SYNE1: variants seen among roughly 807,000 people sequenced by gnomAD.
SYNE1 encodes nesprin-1.
In SYNE1, 616 loss-of-function variants were observed where a neutral mutation model predicts 1,111.0. That is an observed-to-expected ratio of 0.55 (90% CI 0.52 to 0.59). The LOEUF (loss-of-function observed/expected upper bound fraction) is 0.59, where lower values mean the gene tolerates loss of function less well. SYNE1 is among the 20% of genes least tolerant of loss of function. SYNE1 has a pLI of 0.00. For missense variants in SYNE1, 10,006 were observed against 10,417.0 expected, an observed-to-expected ratio of 0.96 and a Z score of 1.72; for synonymous variants, 3,855 against 3,825.8, an observed-to-expected ratio of 1.01 and a Z score of -0.28.
Position 152,371,910 on chromosome 6 carries a change from A to AGGACAGGACAGGACAGGAC in SYNE1, c.9507+1126_9507+1127insGTCCTGTCCTGTCCTGTCC, listed in dbSNP as rs1563462234. Among the ~76,000 whole-genome samples, 30 of 46,784 alleles carry AGGACAGGACAGGACAGGAC rather than the reference A, an allele frequency of 6.4e-4. 3 individuals carry two copies. The highest frequency in any genetic ancestry group is 1.6e-3 in the African/African-American group (24 of 14,770). 30.7% of individuals were successfully genotyped at this position (46,784 alleles called of 152,430 possible). On this transcript the variant is annotated intron_variant, in intron 59 of 145. Transcript: ENST00000367255. Reference sequence around the variant, plus strand: ...AAGGAAAGGAAAGGAAAGGAAAGGAAAGGAAAGGAAAGGACAGGACAGGAC... The same window carrying AGGACAGGACAGGACAGGAC: ...AAGGAAAGGAAAGGAAAGGAAAGGAAGGACAGGACAGGACAGGACAGGAAAGGAAAGGACAGGACAGGAC...
At chr6:152,250,949 CTTTGT>C (rs758798758) in intron 104 of SYNE1, among the ~76,000 whole-genome samples, 1 of 151,908 alleles carries the variant, frequency 6.6e-6, no homozygotes, top group Non-Finnish European at 1.5e-5. Flanking sequence ...CAGTTTTATG[CTTTGT>C]TTTGTTTTGT....
At chr6:152,341,878 G>A (rs1379400732) in intron 74 of SYNE1, among the ~76,000 whole-genome samples, 1 of 152,070 alleles carries the variant, frequency 6.6e-6, no homozygotes, top group Non-Finnish European at 1.5e-5. Flanking sequence ...GCTGTACATG[G>A]TTTTGCTTAC....
intron 4 of SYNE1, among the ~76,000 whole-genome samples, chr6:152,526,503 C>T (rs2099164358): frequency 6.6e-6 from 1 of 152,106 alleles, no homozygotes; most frequent in Admixed American, 6.5e-5. Flanking sequence ...ATACTATCAA[C>T]CTAAAAGATA....
intron 98 of SYNE1, among the ~76,000 whole-genome samples, chr6:152,271,153 C>A (rs1747717600): frequency 6.6e-6 from 1 of 152,144 alleles, no homozygotes; most frequent in Non-Finnish European, 1.5e-5. Flanking sequence ...CCCACAGAGA[C>A]CCTTCTCTCG....
At position 152,250,782 on chromosome 6, in the gene SYNE1, T is replaced by C. The variant is rs1396981965; in HGVS notation, c.19471-1520A>G. Among the ~76,000 whole-genome samples, 5 of 152,220 alleles carry C rather than the reference T, an allele frequency of 3.3e-5. No individual in the cohort carries two copies. The East Asian group carries it at 9.6e-4, about 29-fold the overall frequency. On this transcript the variant is annotated intron_variant, in intron 104 of 145. Coordinates refer to ENST00000367255, the MANE Select transcript of SYNE1 (RefSeq NM_182961.4). ...TCACACATTTATCTGTTTTTAAACCTAGTAAAAGATGTCCTGCATTCACTT... is the reference window on the plus strand; with the variant it reads ...TCACACATTTATCTGTTTTTAAACCCAGTAAAAGATGTCCTGCATTCACTT...
intron 124 of SYNE1, among the ~76,000 whole-genome samples, chr6:152,211,254 T>C (rs956569914): frequency 1.3e-5 from 2 of 152,214 alleles, no homozygotes; most frequent in African/African-American, 2.4e-5. Context: ...CTAGTGAAGG[T>C]TGGCTAGGTG....
chr6:152,374,571 C>T (rs1279117610), intron 58 of SYNE1, among the ~76,000 whole-genome samples: 3 of 152,074 alleles, frequency 2.0e-5, no homozygotes, highest in Non-Finnish European at 4.4e-5. Flanking sequence ...CCCAGGACTT[C>T]GAGACCAGCC....
chr6:152,439,659 T>C (rs1267021103), intron 32 of SYNE1, among the ~76,000 whole-genome samples: 5 of 152,144 alleles, frequency 3.3e-5, no homozygotes, highest in African/African-American at 4.8e-5. Context: ...AACAAAAAAT[T>C]AGCAGTATGG....
intron 9 of SYNE1, among the ~76,000 whole-genome samples, chr6:152,504,550 A>C (rs1192334059): frequency 2.0e-5 from 3 of 152,218 alleles, no homozygotes; most frequent in Non-Finnish European, 2.9e-5. Context: ...ACTGGTAGAA[A>C]TGTCCATAAT....
At chr6:152,336,793 T>C (rs543257455) in intron 76 of SYNE1, 48 bp downstream of exon 76, 2 of 1,603,784 alleles carry the variant, frequency 1.2e-6, no homozygotes, top group East Asian at 4.5e-5. Flanking sequence ...TCAGGTTTTC[T>C]ACTCTGTTGG....
At chr6:152,432,772 G>A (rs2098440008) in intron 34 of SYNE1, among the ~76,000 whole-genome samples, 1 of 152,090 alleles carries the variant, frequency 6.6e-6, no homozygotes, top group Admixed American at 6.6e-5. Flanking sequence ...ATGATTAAAT[G>A]ACAACTTTTA....
At chr6:152,403,259 GC>G (rs958403381) in intron 46 of SYNE1, among the ~76,000 whole-genome samples, 2 of 152,180 alleles carry the variant, frequency 1.3e-5, no homozygotes, top group Non-Finnish European at 2.9e-5. Context: ...CACTGAAGTA[GC>G]CCAGGTGTTC....
intron 119 of SYNE1, among the ~76,000 whole-genome samples, chr6:152,220,104 A>G (rs1470415593): frequency 6.6e-6 from 1 of 152,238 alleles, no homozygotes; most frequent in Non-Finnish European, 1.5e-5. Flanking sequence ...ATTTTAAAAT[A>G]CCCATCTTTA....
intron 145 of SYNE1, chr6:152,125,213 G>C: frequency 6.5e-7 from 1 of 1,531,278 alleles, no homozygotes; most frequent in South Asian, 1.2e-5. Flanking sequence ...ATGTTTTGCT[G>C]GTTGGTGATA....
rs146463833 is a variant in SYNE1 at position 152,155,931 on chromosome 6, A to G, written c.23957T>C (p.Met7986Thr). 3.1e-6 allele frequency: 5 copies of G among 1,614,002 alleles called. No individual in the cohort carries two copies. In the African/African-American group the frequency reaches 4.0e-5, roughly 13 times the overall value. ...TCACTTCAGCCTCCTTTCCATGGAC[A>G]TAGCACAAATGTTTCTCCACCGCCG... ...LDRRWRNICA[M>T]SMERRLKIEE... Residue 7986 changes from methionine to threonine, a missense_variant, in exon 132 of 146, where the codon ATG becomes ACG. Around this residue, in one of 7 missense-constraint regions of SYNE1, gnomAD observed 2,182 missense variants for 2,287.8 expected, o/e 0.95. Coordinates refer to ENST00000367255, the MANE Select transcript of SYNE1 (RefSeq NM_182961.4).
At chr6:152,367,092 C>T (rs182195060) in intron 62 of SYNE1, 126 bp downstream of exon 62, 7 of 1,227,918 alleles carry the variant, frequency 5.7e-6, no homozygotes, top group Non-Finnish European at 8.4e-6. Context: ...CAGCGTTGCA[C>T]TCACAAAGCA....
chr6:152,125,367 C>T (rs1350935258), intron 145 of SYNE1: 1 of 1,548,524 alleles, frequency 6.5e-7, no homozygotes. Context: ...GTCATAAGGC[C>T]TCACAGTATC....
chr6:152,456,271 T>G (rs1276016962), intron 22 of SYNE1, among the ~76,000 whole-genome samples: 21 of 37,570 alleles, frequency 5.6e-4, no homozygotes, highest in African/African-American at 4.3e-3. Context: ...TTACAAAGAG[T>G]TTTTTTTTTT....
chr6:152,438,255 T>C (rs1176685689), intron 32 of SYNE1, among the ~76,000 whole-genome samples: 1 of 152,126 alleles, frequency 6.6e-6, no homozygotes, highest in Non-Finnish European at 1.5e-5. Context: ...TAGAATCCCA[T>C]GAATATAATC....
Sources: allele counts gnomAD v4.1 joint callset (sites outside exome capture counted in the v4.1 genomes callset), GRCh38; gene constraint gnomAD v4.1.1; regional missense constraint gnomAD v4.1.1; transcripts MANE v1.5; gene names NCBI Gene and HGNC (gene_info 2026-07-23, HGNC 2026-07-21).